Variants in KCNMA1 observed in about 807,000 individuals in gnomAD.
KCNMA1 encodes Calcium-activated potassium channel subunit alpha-1.
KCNMA1 carries 29 observed loss-of-function variants against 140.0 expected under a neutral mutation model. That is an observed-to-expected ratio of 0.21 (90% CI 0.15 to 0.28). The LOEUF (loss-of-function observed/expected upper bound fraction) is 0.28. Ranked by LOEUF, KCNMA1 falls within the 10% of genes least tolerant of loss-of-function variation. KCNMA1 has a pLI of 1.00. For missense variants in KCNMA1, 880 were observed against 1,602.2 expected (o/e 0.55, Z 7.70); for synonymous variants, 612 against 611.9 (o/e 1.00, Z 0.00).
chr10:77,574,767 G>A (rs2073378840), intron 1 of KCNMA1, among the ~76,000 whole-genome samples: 1 of 152,206 alleles, frequency 6.6e-6, no homozygotes, highest in Non-Finnish European at 1.5e-5. Context: ...GATCACATGA[G>A]GTCATACTTT....
At chr10:77,330,726 G>A (rs2086070890) in intron 2 of KCNMA1, among the ~76,000 whole-genome samples, 1 of 152,146 alleles carries the variant, frequency 6.6e-6, no homozygotes, top group South Asian at 2.1e-4. Flanking sequence ...GCCCAGGATG[G>A]CTCTTCAGGC....
chr10:77,106,817 TCCAA>T (rs1202858009), intron 9 of KCNMA1, among the ~76,000 whole-genome samples: 2 of 152,162 alleles, frequency 1.3e-5, no homozygotes, highest in Non-Finnish European at 2.9e-5. Flanking sequence ...GCCTTTTGGA[TCCAA>T]CCAATGGCCC....
chr10:77,446,074 T>G (rs929804504), intron 1 of KCNMA1, among the ~76,000 whole-genome samples: 5 of 150,882 alleles, frequency 3.3e-5, no homozygotes, highest in African/African-American at 9.9e-5. Flanking sequence ...TGGACCCTAA[T>G]CCCTGAAACC....
At chr10:77,263,812 A>T (rs2062667007) in intron 2 of KCNMA1, among the ~76,000 whole-genome samples, 1 of 152,106 alleles carries the variant, frequency 6.6e-6, no homozygotes, top group Admixed American at 6.6e-5. Context: ...TCCTCTGCAG[A>T]ATCGAATCTG....
chr10:77,404,120 C>T, intron 1 of KCNMA1, 97 bp from the exon 2 acceptor site: 1 of 1,209,540 alleles, frequency 8.3e-7, no homozygotes, highest in African/African-American at 1.5e-5. Flanking sequence ...GGGTCCCCAG[C>T]TGAGATGGAA....
intron 2 of KCNMA1, among the ~76,000 whole-genome samples, chr10:77,377,913 G>A (rs528315629): frequency 1.8e-4 from 28 of 152,222 alleles, no homozygotes; most frequent in Non-Finnish European, 3.4e-4. Flanking sequence ...GCTTCACTCC[G>A]TGCCTGGCTC....
At chr10:77,169,478 C>A (rs902962244) in intron 5 of KCNMA1, among the ~76,000 whole-genome samples, 2 of 152,036 alleles carry the variant, frequency 1.3e-5, no homozygotes, top group African/African-American at 4.8e-5. Flanking sequence ...TAGCTTCAAC[C>A]TCCAAGGCTC....
rs1555173281 is a variant in KCNMA1 at position 77,048,108 on chromosome 10, C to CAATAAATAAACAAATAAATAAATA, written c.1750-8472_1750-8471insTATTTATTTATTTGTTTATTTATT. ...GACCTGTCTGGACAACATGATGAGA[C>CAATAAATAAACAAATAAATAAATA]AATAAATAAATAAATAAATAAATAA... On this transcript the variant is annotated intron_variant, in intron 14 of 27. Transcript: ENST00000286628. 3.5e-5 allele frequency among the ~76,000 whole-genome samples: 5 copies of CAATAAATAAACAAATAAATAAATA among 143,658 alleles called. No individual in the cohort carries two copies. In the Admixed American group the frequency reaches 3.5e-4, roughly 10 times the overall value. The allele number at this position is 143,658 out of a possible 152,430, so 94.2% of individuals were successfully genotyped here.
chr10:77,079,690 G>T, intron 12 of KCNMA1, 140 bp from the exon 13 acceptor site: 1 of 701,218 alleles, frequency 1.4e-6, no homozygotes, highest in Non-Finnish European at 2.6e-6. Context: ...GCAGGGCTCA[G>T]ATACCAGACA....
chr10:77,224,111 G>A (rs1756734847), intron 3 of KCNMA1, among the ~76,000 whole-genome samples: 1 of 152,180 alleles, frequency 6.6e-6, no homozygotes, highest in African/African-American at 2.4e-5. Flanking sequence ...CTCCCTATCT[G>A]GGATGGTACA....
intron 14 of KCNMA1, chr10:77,063,691 T>A: frequency 1.0e-5 from 10 of 966,630 alleles, no homozygotes; most frequent in Non-Finnish European, 1.2e-5. Flanking sequence ...AATCTGATAT[T>A]TTATTCCTTA....
chr10:77,187,876 G>T (rs1292180991), intron 3 of KCNMA1, among the ~76,000 whole-genome samples: 1 of 152,126 alleles, frequency 6.6e-6, no homozygotes, highest in Non-Finnish European at 1.5e-5. Flanking sequence ...CACAATCAGA[G>T]ACCACAGAGT....
chr10:77,177,379 C>T lies in KCNMA1; in HGVS notation c.808+6042G>A, dbSNP rs573926227. Among the ~76,000 whole-genome samples, 16 of 144,558 alleles carry T rather than the reference C, an allele frequency of 1.1e-4. 1 individual carries two copies. Among genetic ancestry groups the T allele is most frequent in the Middle Eastern group, 3.8e-3 (1 of 260 alleles). The allele number at this position is 144,558 out of a possible 152,430, so 94.8% of individuals were successfully genotyped here. A position where few individuals can be genotyped will look rare whatever the true frequency, so the allele number is the denominator to read the frequency against. On this transcript the variant is annotated intron_variant, in intron 5 of 27. Coordinates refer to ENST00000286628, the MANE Select transcript of KCNMA1 (RefSeq NM_001161352.2). ...CCTTCCTTGCTTCCTTTCTTCCTTCCTTCACTTTCTTCCTTCTTTCCTTCC... is the reference window on the plus strand; with the variant it reads ...CCTTCCTTGCTTCCTTTCTTCCTTCTTTCACTTTCTTCCTTCTTTCCTTCC...
chr10:76,987,523 G>A (rs1272594550), intron 19 of KCNMA1, among the ~76,000 whole-genome samples: 1 of 152,160 alleles, frequency 6.6e-6, no homozygotes, highest in African/African-American at 2.4e-5. Flanking sequence ...AAGCAGCCAT[G>A]GACACTGAGC....
At chr10:77,525,518 T>TC (rs1308471948) in intron 1 of KCNMA1, among the ~76,000 whole-genome samples, 9 of 152,194 alleles carry the variant, frequency 5.9e-5, no homozygotes, top group African/African-American at 2.2e-4. Context: ...CTGGTACTGC[T>TC]CCCAGGCTGT....
intron 1 of KCNMA1, among the ~76,000 whole-genome samples, chr10:77,444,778 A>C (rs573648374): frequency 1.4e-4 from 21 of 152,288 alleles, no homozygotes; most frequent in Admixed American, 1.0e-3. Context: ...GCAGCTGGGC[A>C]GCCTCTTTGA....
In KCNMA1 at chr10:76,968,016, C is replaced by T. The variant is rs78741486; in HGVS notation, c.2360+1958G>A. 2.1e-3 allele frequency among the ~76,000 whole-genome samples: 312 copies of T among 152,192 alleles called. 1 individual carries two copies. The highest frequency in any genetic ancestry group is 2.8e-3 in the Non-Finnish European group (193 of 68,030). On this transcript the variant is annotated intron_variant, in intron 20 of 27. Transcript: ENST00000286628. ...ATCATTACTTATTTACAAAGGCCTT[C>T]GGGCAGAAAGTCCTGTAAAAACCAT...
chr10:77,006,893 T>C (rs559575204), intron 18 of KCNMA1, among the ~76,000 whole-genome samples: 1 of 151,446 alleles, frequency 6.6e-6, no homozygotes, highest in African/African-American at 2.4e-5. Flanking sequence ...AGACTGTGCA[T>C]TGAATTGAAG....
chr10:77,092,786 C>T (rs927012344), intron 9 of KCNMA1, among the ~76,000 whole-genome samples: 5 of 152,188 alleles, frequency 3.3e-5, no homozygotes, highest in African/African-American at 4.8e-5. Context: ...CCTGAACATT[C>T]GTTCTTCCTA....
Sources: gnomAD v4.1 joint callset for allele counts (sites outside exome capture counted in the v4.1 genomes callset) on GRCh38, gnomAD v4.1.1 for gene constraint, MANE v1.5 for transcripts, NCBI Gene and HGNC (gene_info 2026-07-23, HGNC 2026-07-21) for gene names.